The following PACC1 variants were observed in gnomAD, a reference collection of about 807,000 sequenced individuals.
PACC1 encodes the protein proton-activated chloride channel.
PACC1 carries 34 observed loss-of-function variants against 39.7 expected under a neutral mutation model. The observed-to-expected ratio is 0.86, with a 90% CI of 0.65 to 1.14. The LOEUF (loss-of-function observed/expected upper bound fraction) is 1.14, where lower values mean the gene tolerates loss of function less well. PACC1 is among the 50% of genes most tolerant of loss of function. The pLI is 0.00. For missense variants in PACC1, 379 were observed against 436.4 expected, an observed-to-expected ratio of 0.87 and a Z score of 1.17; for synonymous variants, 127 against 160.6, an observed-to-expected ratio of 0.79 and a Z score of 1.58.
intron 6 of PACC1, among the ~76,000 whole-genome samples, chr1:212,375,898 A>T (rs1571635224): frequency 6.6e-6 from 1 of 152,308 alleles, no homozygotes; most frequent in Admixed American, 6.5e-5. Context: ...AAAAAATAAA[A>T]TATTAAAAAT....
chr1:212,411,524 G>A (rs535304739), intron 1 of PACC1, among the ~76,000 whole-genome samples: 24 of 152,238 alleles, frequency 1.6e-4, no homozygotes, highest in Admixed American at 3.3e-4. Flanking sequence ...GAAGAAGGAC[G>A]GAAAGGATAC....
At chr1:212,407,020 T>A (rs1378313256) in intron 2 of PACC1, among the ~76,000 whole-genome samples, 1 of 152,186 alleles carries the variant, frequency 6.6e-6, no homozygotes, top group Non-Finnish European at 1.5e-5. Flanking sequence ...CTCCCAAAGA[T>A]GTCCAAGTGT....
intron 2 of PACC1, among the ~76,000 whole-genome samples, chr1:212,390,284 G>A (rs1047847250): frequency 4.6e-5 from 7 of 151,958 alleles, no homozygotes; most frequent in African/African-American, 7.2e-5. Flanking sequence ...TGAGCTGGGC[G>A]TGGTGGTGCA....
chr1:212,400,836 C>T lies in PACC1; in HGVS notation c.133+9589G>A, dbSNP rs138654593. Among the ~76,000 whole-genome samples the T allele has an allele frequency of 6.4e-4, 98 of 152,236 alleles. 2 individuals carry two copies. In the East Asian group the frequency reaches 0.015, roughly 23 times the overall value. ...CTTTGTAAAATTCAAGACAGAATTC[C>T]TTCAAAACCCCAAACTTGCCCCAGA... On this transcript the variant is annotated intron_variant, in intron 2 of 7. Transcript: ENST00000261455.
chr1:212,365,181 A>C lies in PACC1; in HGVS notation c.*34T>G. 2.5e-6 allele frequency: 4 copies of C among 1,602,934 alleles called. No individual in the cohort carries two copies. In the South Asian group the frequency reaches 4.5e-5, roughly 18 times the overall value. The stretch of plus-strand genomic sequence containing the variant: ...GTGGAAGTGATGACAGCTCCCATTG[A>C]TGTGGACAGTTCTCTAAACAACGCG... On this transcript the variant is annotated 3_prime_UTR_variant, in exon 8 of 8. Coordinates refer to ENST00000261455, the MANE Select transcript of PACC1 (RefSeq NM_018252.3).
At chr1:212,404,691 C>CA (rs1294678314) in intron 2 of PACC1, among the ~76,000 whole-genome samples, 1 of 151,610 alleles carries the variant, frequency 6.6e-6, no homozygotes, top group Non-Finnish European at 1.5e-5. Flanking sequence ...TCAAACCAGC[C>CA]AGCCTTCCTT....
chr1:212,368,288 C>T (rs1034976044), intron 7 of PACC1, among the ~76,000 whole-genome samples: 3 of 152,156 alleles, frequency 2.0e-5, no homozygotes, highest in Non-Finnish European at 2.9e-5. Flanking sequence ...CAAGGGCAGA[C>T]TGTGAAGACT....
intron 6 of PACC1, among the ~76,000 whole-genome samples, 165 bp downstream of exon 6, chr1:212,377,397 G>C (rs1349281809): frequency 6.6e-6 from 1 of 152,188 alleles, no homozygotes; most frequent in African/African-American, 2.4e-5. Context: ...AGACTCCCTG[G>C]CATAGCATAT....
chr1:212,411,957 A>T (rs148714961), intron 1 of PACC1, among the ~76,000 whole-genome samples: 328 of 152,238 alleles, frequency 2.2e-3, no homozygotes, highest in African/African-American at 7.5e-3. Context: ...CCTGGTCAAC[A>T]TGGTGAAACC....
At chr1:212,385,528 G>A in intron 3 of PACC1, 103 bp from the exon 4 acceptor site, 1 of 1,244,332 alleles carries the variant, frequency 8.0e-7, no homozygotes, top group Non-Finnish European at 1.2e-6. Flanking sequence ...GGACTCCCTG[G>A]AGGACTGCAG....
chr1:212,376,092 C>T (rs1660655819), intron 6 of PACC1, among the ~76,000 whole-genome samples: 1 of 152,136 alleles, frequency 6.6e-6, no homozygotes, highest in African/African-American at 2.4e-5. Flanking sequence ...CCTGTAAATA[C>T]TTAGTAGGTG....
chr1:212,376,062 A>C (rs1264349068), intron 6 of PACC1, among the ~76,000 whole-genome samples: 1 of 152,144 alleles, frequency 6.6e-6, no homozygotes, highest in Admixed American at 6.5e-5. Flanking sequence ...AGCTGCATAG[A>C]TCCACACAGC....
chr1:212,375,396 G>T, intron 6 of PACC1, 96 bp from the exon 7 acceptor site: 1 of 841,368 alleles, frequency 1.2e-6, no homozygotes. Flanking sequence ...GGGGATCATA[G>T]TCTGTGGTTC....
At chr1:212,365,409 G>A in intron 7 of PACC1, 33 bp from the exon 8 acceptor site, 2 of 1,518,694 alleles carry the variant, frequency 1.3e-6, no homozygotes, top group Non-Finnish European at 1.8e-6. Flanking sequence ...CAGGATTACT[G>A]GTTTGCTTCA....
chr1:212,399,690 A>G lies in PACC1; in HGVS notation c.133+10735T>C, dbSNP rs143247732. ...CCTGAGTAGCTGGGACTACAGGCAC[A>G]TGCCACCATGCCCAGCTAATTTTTG... On this transcript the variant is annotated intron_variant, in intron 2 of 7. Coordinates refer to ENST00000261455, the MANE Select transcript of PACC1 (RefSeq NM_018252.3). Among the ~76,000 whole-genome samples, 1,185 of 152,150 alleles carry G rather than the reference A, an allele frequency of 7.8e-3. 17 individuals are homozygous for G. The highest frequency in any genetic ancestry group is 0.027 in the African/African-American group (1,115 of 41,516).
intron 2 of PACC1, among the ~76,000 whole-genome samples, chr1:212,406,105 C>CA (rs58332482): frequency 0.036 from 2,005 of 55,434 alleles, 34 homozygotes; most frequent in East Asian, 0.062. Flanking sequence ...TCCCACCCCA[C>CA]AAAAAAAAAA....
At chr1:212,399,613 G>T (rs1661643889) in intron 2 of PACC1, among the ~76,000 whole-genome samples, 1 of 151,954 alleles carries the variant, frequency 6.6e-6, no homozygotes, top group African/African-American at 2.4e-5. Context: ...ATGATTTTTG[G>T]CTCACTGCAA....
Position 212,365,062 on chromosome 1 carries a change from C to T in PACC1, c.*153G>A, listed in dbSNP as rs542424313. ...AGGCTCTACACCGCCTCTTTTGGGA[C>T]GGGGTTAGAAGTTCCAGTTTTACAT... On this transcript the variant is annotated 3_prime_UTR_variant, in exon 8 of 8. Transcript: ENST00000261455. 9.3e-5 allele frequency: 57 copies of T among 613,622 alleles called. No individual in the cohort carries two copies. The East Asian group carries it at 1.3e-3, about 14-fold the overall frequency. 38.0% of individuals were successfully genotyped at this position (613,622 alleles called of 1,614,324 possible).
At chr1:212,414,614 G>A in intron 1 of PACC1, 108 bp downstream of exon 1, 1 of 1,382,974 alleles carries the variant, frequency 7.2e-7, no homozygotes, top group Non-Finnish European at 1.0e-6. Context: ...TCCCTCGGAA[G>A]AGCCCTCTGC....
Sources: allele counts gnomAD v4.1 joint callset (sites outside exome capture counted in the v4.1 genomes callset), GRCh38; gene constraint gnomAD v4.1.1; transcripts MANE v1.5; gene names NCBI Gene and HGNC (gene_info 2026-07-23, HGNC 2026-07-21).